SUGCT: variants seen among roughly 807,000 people sequenced by gnomAD.
SUGCT encodes the protein succinyl-CoA:glutarate-CoA transferase, also known as succinyl-CoA:glutarate CoA-transferase.
A neutral mutation model predicts 55.0 loss-of-function variants in SUGCT; 41 were observed. That is an observed-to-expected ratio of 0.74 (90% CI 0.58 to 0.97). The LOEUF is 0.97. Among genes scored for constraint, SUGCT ranks in the 50% least tolerant of loss-of-function variants. The probability of loss-of-function intolerance (pLI) is 0.00; values close to 1 mark genes in which losing one functional copy is unlikely to be tolerated. For synonymous variants in SUGCT, 187 were observed against 200.4 expected, an observed-to-expected ratio of 0.93 and a Z score of 0.56; for missense variants, 568 against 547.8, an observed-to-expected ratio of 1.04 and a Z score of -0.37.
chr7:40,743,567 G>A (rs1198015487), intron 12 of SUGCT, among the ~76,000 whole-genome samples: 1 of 152,142 alleles, frequency 6.6e-6, no homozygotes, highest in East Asian at 1.9e-4. Context: ...GCTTCTTGAG[G>A]GCATGACCTT....
rs567641785 is a variant in SUGCT, at chr7:40,617,114, A to G, written c.1089+120728A>G. ...TTTAATATTTGAAAAAAAAAATCCA[A>G]AGACATTTGCCTCTATTTCCCACTA... On this transcript the variant is annotated intron_variant, in intron 12 of 13. Transcript: ENST00000335693. Among the ~76,000 whole-genome samples the G allele has an allele frequency of 3.3e-5, 5 of 152,254 alleles. No individual in the cohort carries two copies. In the South Asian group the frequency reaches 1.0e-3, roughly 32 times the overall value.
the SUGCT span, among the ~76,000 whole-genome samples, chr7:40,924,269 T>TGTGC: frequency 2.9e-3 from 287 of 98,758 alleles, 1 homozygote; most frequent in African/African-American, 7.8e-3. Flanking sequence ...CAATTACGTG[T>TGTGC]GTGTGTGTGT....
intron 13 of SUGCT, chr7:40,783,552 A>C (rs547920890): frequency 7.2e-5 from 11 of 152,122 alleles, no homozygotes; most frequent in East Asian, 1.9e-4. Flanking sequence ...GGCCCATAGG[A>C]GAAGGCATAA....
intron 12 of SUGCT, among the ~76,000 whole-genome samples, chr7:40,700,641 T>C (rs1050141323): frequency 3.3e-5 from 5 of 152,260 alleles, no homozygotes; most frequent in Non-Finnish European, 4.4e-5. Flanking sequence ...AACATATTTA[T>C]TGACCATGTC....
At chr7:40,182,999 G>A (rs1226503171) in intron 3 of SUGCT, among the ~76,000 whole-genome samples, 1 of 152,202 alleles carries the variant, frequency 6.6e-6, no homozygotes, top group African/African-American at 2.4e-5. Context: ...AAGGCTGGGC[G>A]TGGTGGCTTA....
At chr7:40,650,962 A>C (rs528183137) in intron 12 of SUGCT, among the ~76,000 whole-genome samples, 1 of 152,220 alleles carries the variant, frequency 6.6e-6, no homozygotes, top group African/African-American at 2.4e-5. Context: ...AAACAAGAAC[A>C]TAATGTTGTT....
chr7:40,364,348 C>T (rs1027255983), intron 9 of SUGCT, among the ~76,000 whole-genome samples: 43 of 151,650 alleles, frequency 2.8e-4, no homozygotes, highest in African/African-American at 9.5e-4. Flanking sequence ...TGAATTTGAT[C>T]CTGTCATTAT....
chr7:40,802,610 A>G (rs571173865), intron 13 of SUGCT, among the ~76,000 whole-genome samples: 42 of 152,296 alleles, frequency 2.8e-4, no homozygotes, highest in African/African-American at 9.6e-4. Context: ...CTGAAACCCA[A>G]TGGAGATGGA....
chr7:40,746,760 T>C (rs1253349712), intron 12 of SUGCT, among the ~76,000 whole-genome samples: 2 of 152,296 alleles, frequency 1.3e-5, no homozygotes, highest in Non-Finnish European at 1.5e-5. Context: ...CCCTTTCACG[T>C]TTGACACTTA....
At chr7:40,153,759 G>C in intron 1 of SUGCT, 1 of 428,152 alleles carries the variant, frequency 2.3e-6, no homozygotes, top group Admixed American at 2.5e-5. Context: ...TATTGACCAA[G>C]AGCCAAATTA....
At chr7:40,732,634 A>G (rs1786954175) in intron 12 of SUGCT, among the ~76,000 whole-genome samples, 1 of 152,172 alleles carries the variant, frequency 6.6e-6, no homozygotes, top group African/African-American at 2.4e-5. Context: ...ATGGATCTGA[A>G]TAAGAAGACA....
intron 12 of SUGCT, among the ~76,000 whole-genome samples, chr7:40,707,011 T>G (rs1178972682): frequency 6.6e-6 from 1 of 152,152 alleles, no homozygotes; most frequent in African/African-American, 2.4e-5. Context: ...TTGTCCACCC[T>G]CACTCTTGGA....
intron 12 of SUGCT, among the ~76,000 whole-genome samples, chr7:40,674,602 C>T (rs1490931028): frequency 2.0e-5 from 3 of 151,876 alleles, no homozygotes; most frequent in East Asian, 1.9e-4. Flanking sequence ...CCTCCACTTC[C>T]GAAAAAGAGC....
intron 9 of SUGCT, among the ~76,000 whole-genome samples, chr7:40,415,888 A>G (rs923650664): frequency 6.6e-6 from 1 of 152,048 alleles, no homozygotes; most frequent in African/African-American, 2.4e-5. Context: ...GTGAGTTTTA[A>G]TAGATGGGAG....
At chr7:40,977,445 C>A in the SUGCT span, among the ~76,000 whole-genome samples, 44 of 152,120 alleles carry the variant, frequency 2.9e-4, no homozygotes, top group South Asian at 6.2e-4. Flanking sequence ...TGAGTCTTTG[C>A]GAATTTGCAA....
chr7:40,779,524 C>T (rs957455819), intron 13 of SUGCT, among the ~76,000 whole-genome samples: 3 of 152,126 alleles, frequency 2.0e-5, no homozygotes, highest in Non-Finnish European at 2.9e-5. Context: ...AGTAAGTGGA[C>T]GTCTTGTAGA....
intron 8 of SUGCT, among the ~76,000 whole-genome samples, chr7:40,285,868 C>A (rs1358886269): frequency 6.6e-6 from 1 of 152,144 alleles, no homozygotes; most frequent in African/African-American, 2.4e-5. Flanking sequence ...TGGTTGATTT[C>A]ATTTTCTAGA....
chr7:40,464,032 A>G (rs1789961645), intron 11 of SUGCT, among the ~76,000 whole-genome samples: 1 of 152,208 alleles, frequency 6.6e-6, no homozygotes, highest in South Asian at 2.1e-4. Context: ...CAAGAGAGAT[A>G]TTGCAAGTTG....
At chr7:40,550,698 A>G (rs1795250655) in intron 12 of SUGCT, among the ~76,000 whole-genome samples, 1 of 152,244 alleles carries the variant, frequency 6.6e-6, no homozygotes, top group Non-Finnish European at 1.5e-5. Flanking sequence ...ATATGAATAT[A>G]CTTCCCTTTG....
Sources: allele counts gnomAD v4.1 joint callset (sites outside exome capture counted in the v4.1 genomes callset), GRCh38; gene constraint gnomAD v4.1.1; transcripts MANE v1.5; gene names NCBI Gene and HGNC (gene_info 2026-07-23, HGNC 2026-07-21).